Variants in WIPF3 observed in about 807,000 individuals in gnomAD.
WIPF3 encodes WAS/WASL interacting protein family member 3, also known as WAS/WASL-interacting protein family member 3.
In WIPF3, 33 loss-of-function variants were observed where a neutral mutation model predicts 38.9. The observed-to-expected ratio is 0.85, with a 90% CI of 0.64 to 1.14. The LOEUF is 1.14. Ranked by LOEUF, WIPF3 falls within the 50% of genes most tolerant of loss-of-function variation. WIPF3 has a pLI of 0.00. For missense variants in WIPF3, 711 were observed against 652.5 expected (o/e 1.09, Z -0.98); for synonymous variants, 324 against 269.3 (o/e 1.20, Z -1.99).
At chr7:29,845,003 T>G (rs1784975799) in intron 2 of WIPF3, among the ~76,000 whole-genome samples, 1 of 151,256 alleles carries the variant, frequency 6.6e-6, no homozygotes, top group African/African-American at 2.4e-5. Flanking sequence ...TCCTCCAAGC[T>G]GCCTCCTGAG....
At chr7:29,910,187 T>C (rs1254680989) in intron 8 of WIPF3, among the ~76,000 whole-genome samples, 1 of 152,052 alleles carries the variant, frequency 6.6e-6, no homozygotes, top group Admixed American at 6.6e-5. Flanking sequence ...AAACATCTCA[T>C]GTACCCCATA....
At chr7:29,839,114 A>C (rs537355210) in intron 2 of WIPF3, among the ~76,000 whole-genome samples, 3 of 152,332 alleles carry the variant, frequency 2.0e-5, no homozygotes, top group African/African-American at 7.2e-5. Context: ...CAGGATCAGA[A>C]AGGCCCTGGG....
chr7:29,869,853 A>G (rs1460227585), intron 2 of WIPF3, among the ~76,000 whole-genome samples: 2 of 152,226 alleles, frequency 1.3e-5, no homozygotes, highest in African/African-American at 4.8e-5. Context: ...GAACTGCTTG[A>G]TAACACTGGT....
At chr7:29,900,065 G>A (rs1043303053) in intron 7 of WIPF3, among the ~76,000 whole-genome samples, 3 of 152,046 alleles carry the variant, frequency 2.0e-5, no homozygotes, top group African/African-American at 7.3e-5. Flanking sequence ...AGCCTCTTGA[G>A]TAGCTGGGAC....
chr7:29,822,125 T>TTG (rs2128062948), intron 1 of WIPF3, among the ~76,000 whole-genome samples: 1 of 141,580 alleles, frequency 7.1e-6, no homozygotes, highest in Admixed American at 7.0e-5. Context: ...TTTTCTTAGT[T>TTG]TTTTTTTTTT....
chr7:29,912,666 A>C lies in WIPF3; in HGVS notation c.1429-1827A>C, dbSNP rs181983164. On this transcript the variant is annotated intron_variant, in intron 8 of 8. Transcript: ENST00000242140. ...GAAAAATAAAGTAAAATGTAGAAGC[A>C]ACTCAAGTATCATAGATAGATGAAT... The C allele has an allele frequency of 2.2e-5, 4 of 185,278 alleles. No homozygotes were observed. The East Asian group carries it at 4.9e-4, about 23-fold the overall frequency. The allele number at this position is 185,278 out of a possible 1,614,324, so 11.5% of individuals were successfully genotyped here. A position where few individuals can be genotyped will look rare whatever the true frequency, so the allele number is the denominator to read the frequency against.
Position 29,914,776 on chromosome 7 carries a change from T to A in WIPF3, c.*260T>A. 1 of 279,016 alleles carries A rather than the reference T, an allele frequency of 3.6e-6. No homozygotes were observed. Among genetic ancestry groups the A allele is most frequent in the Non-Finnish European group, 6.7e-6 (1 of 149,576 alleles). The allele number at this position is 279,016 out of a possible 1,614,324, so 17.3% of individuals were successfully genotyped here. On this transcript the variant is annotated 3_prime_UTR_variant, in exon 9 of 9. Transcript: ENST00000242140. ...ATTTGTCAGCACAGATAGAGCCCTGTCCCTCCACCTAGTGCCCACTCCATG... is the reference window on the plus strand; with the variant it reads ...ATTTGTCAGCACAGATAGAGCCCTGACCCTCCACCTAGTGCCCACTCCATG...
chr7:29,828,272 A>G (rs1784656269), intron 1 of WIPF3, among the ~76,000 whole-genome samples: 1 of 152,236 alleles, frequency 6.6e-6, no homozygotes, highest in Non-Finnish European at 1.5e-5. Flanking sequence ...TCTTTCTGAA[A>G]TAACTCACAA....
chr7:29,857,387 T>A (rs1045123338), intron 2 of WIPF3, among the ~76,000 whole-genome samples: 1 of 152,298 alleles, frequency 6.6e-6, no homozygotes, highest in Admixed American at 6.5e-5. Context: ...TTTAGTAGAT[T>A]ATGCCCCAAC....
At chr7:29,867,313 G>A (rs1200984757) in intron 2 of WIPF3, among the ~76,000 whole-genome samples, 2 of 152,200 alleles carry the variant, frequency 1.3e-5, no homozygotes, top group African/African-American at 4.8e-5. Context: ...GAGCCTGGAT[G>A]AATGGGGAGA....
chr7:29,911,249 ATAAAT>A (rs754506769), intron 8 of WIPF3, among the ~76,000 whole-genome samples: 14 of 152,218 alleles, frequency 9.2e-5, no homozygotes, highest in Non-Finnish European at 1.8e-4. Flanking sequence ...CATGGCTGAA[ATAAAT>A]TAAATAAGAC....
At chr7:29,868,583 A>G (rs957442769) in intron 2 of WIPF3, among the ~76,000 whole-genome samples, 2 of 151,876 alleles carry the variant, frequency 1.3e-5, no homozygotes, top group Non-Finnish European at 2.9e-5. Context: ...ATATGTGTGT[A>G]TATACACACA....
chr7:29,840,993 C>T (rs544506675), intron 2 of WIPF3, among the ~76,000 whole-genome samples: 64 of 152,172 alleles, frequency 4.2e-4, no homozygotes, highest in African/African-American at 1.4e-3. Flanking sequence ...GCTAAACCGA[C>T]GTAGCAGGGG....
At chr7:29,888,032 C>T in intron 5 of WIPF3, 36 bp from the exon 6 acceptor site, 1 of 1,612,894 alleles carries the variant, frequency 6.2e-7, no homozygotes, top group Non-Finnish European at 8.5e-7. Context: ...CCATTCCCAT[C>T]CGTGTTTCTG....
chr7:29,825,358 A>G (rs1425224189), intron 1 of WIPF3, among the ~76,000 whole-genome samples: 1 of 152,220 alleles, frequency 6.6e-6, no homozygotes, highest in Non-Finnish European at 1.5e-5. Context: ...GAAGGAAAAA[A>G]AATATTAAGC....
intron 1 of WIPF3, among the ~76,000 whole-genome samples, chr7:29,832,303 T>A (rs1267160384): frequency 1.3e-5 from 2 of 152,240 alleles, no homozygotes; most frequent in Non-Finnish European, 2.9e-5. Context: ...TGATAATTTG[T>A]GCTTGTTCCA....
intron 2 of WIPF3, among the ~76,000 whole-genome samples, chr7:29,840,944 A>T (rs1784903291): frequency 6.6e-6 from 1 of 152,192 alleles, no homozygotes; most frequent in Non-Finnish European, 1.5e-5. Context: ...ACCTGATCGG[A>T]TATCAAGGGT....
rs1164902941 is a variant in WIPF3, at chr7:29,861,720, G to GT, written c.91-14109dup. ...AACAAGTACGGATTGAATGGCTGGC[G>GT]TGCAGGGTCACTGGGCTTATGTGGT... On this transcript the variant is annotated intron_variant, in intron 2 of 8. Coordinates refer to ENST00000242140, the MANE Select transcript of WIPF3 (RefSeq NM_001080529.3). Among the ~76,000 whole-genome samples, 7 of 152,280 alleles carry GT rather than the reference G, an allele frequency of 4.6e-5. No individual in the cohort carries two copies. The East Asian group carries it at 1.4e-3, about 29-fold the overall frequency.
Position 29,888,073 on chromosome 7 carries a change from G to T in WIPF3, c.1105G>T (p.Gly369Cys). Residue 369 changes from glycine to cysteine, a missense_variant, in exon 6 of 9, where the codon GGT becomes TGT. Physicochemically the swap from Gly to Cys is radical, Grantham distance 159. Coordinates refer to ENST00000242140, the MANE Select transcript of WIPF3 (RefSeq NM_001080529.3). ...QKKRHGRPGA[G>C]GGKLNPPPAP... ...ACCATCATCTTCTCTGTAAGGGGCC[G>T]GTGGGGGAAAGCTAAATCCACCTCC... 1 of 1,613,914 alleles carries T rather than the reference G, an allele frequency of 6.2e-7. No individual in the cohort carries two copies. Among genetic ancestry groups the T allele is most frequent in the Non-Finnish European group, 8.5e-7 (1 of 1,179,858 alleles).
Sources: allele counts gnomAD v4.1 joint callset (sites outside exome capture counted in the v4.1 genomes callset), GRCh38; gene constraint gnomAD v4.1.1; transcripts MANE v1.5; gene names NCBI Gene and HGNC (gene_info 2026-07-23, HGNC 2026-07-21).